Variants in DPPA3 observed in about 807,000 individuals in gnomAD.
DPPA3 encodes developmental pluripotency-associated protein 3.
Under a neutral mutation model 15.6 loss-of-function variants are expected in DPPA3, and 9 were observed. The ratio of observed to expected loss-of-function variants is 0.58; its 90% CI spans 0.35 to 1.01. The LOEUF is 1.01. Among genes scored for constraint, DPPA3 ranks in the 50% least tolerant of loss-of-function variants. DPPA3 has a pLI of 0.02. For missense variants in DPPA3, 148 were observed against 194.6 expected (o/e 0.76, Z 1.42); for synonymous variants, 61 against 70.9 (o/e 0.86, Z 0.70).
rs145257462 is a variant in DPPA3, at chr12:7,714,776, G to A, written c.83-407G>A. Among the ~76,000 whole-genome samples the A allele has an allele frequency of 1.7e-3, 253 of 151,888 alleles. 2 individuals are homozygous for A. Among genetic ancestry groups the A allele is most frequent in the African/African-American group, 5.8e-3 (241 of 41,410 alleles). ...CCCCCAGACTAGAGTGCAGTGGCGCGATCTCGGCTCACTGCAAGCTCCACC... is the reference window on the plus strand; with the variant it reads ...CCCCCAGACTAGAGTGCAGTGGCGCAATCTCGGCTCACTGCAAGCTCCACC... On this transcript the variant is annotated intron_variant, in intron 1 of 3. Transcript: ENST00000345088.
At chr12:7,716,921 C>T (rs769692281) in intron 3 of DPPA3, 46 bp from the exon 4 acceptor site, 3 of 1,500,674 alleles carry the variant, frequency 2.0e-6, no homozygotes, top group African/African-American at 2.8e-5. Flanking sequence ...TTACATTTCT[C>T]TGGGGTACAA....
chr12:7,712,359 AAAC>A (rs1864354739), intron 1 of DPPA3, among the ~76,000 whole-genome samples: 1 of 150,966 alleles, frequency 6.6e-6, no homozygotes, highest in African/African-American at 2.5e-5. Context: ...GAGACCAAAT[AAAC>A]AAAAGATAGG....
At chr12:7,716,411 ATATTCTT>A (rs1458939792) in intron 3 of DPPA3, among the ~76,000 whole-genome samples, 172 bp downstream of exon 3, 3 of 152,074 alleles carry the variant, frequency 2.0e-5, no homozygotes, top group African/African-American at 2.4e-5. Flanking sequence ...TTTTAAAAAT[ATATTCTT>A]TATTCTTTAT....
chr12:7,711,777 A>G (rs1047395120), intron 1 of DPPA3, 125 bp downstream of exon 1: 1 of 812,298 alleles, frequency 1.2e-6, no homozygotes, highest in South Asian at 2.1e-5. Flanking sequence ...TTGCAAGAGG[A>G]ATGTATTTAG....
intron 1 of DPPA3, among the ~76,000 whole-genome samples, chr12:7,714,044 C>T (rs962686106): frequency 2.0e-5 from 3 of 149,764 alleles, no homozygotes; most frequent in South Asian, 4.3e-4. Context: ...CTGGCTAACA[C>T]GGTGAAACCC....
Position 7,716,181 on chromosome 12 carries a change from A to ATCT in DPPA3, c.328-16_328-15insCTT, listed in dbSNP as rs1555102143. The ATCT allele has an allele frequency of 3.2e-6, 5 of 1,577,546 alleles. No individual in the cohort carries two copies. The highest frequency in any genetic ancestry group is 4.3e-6 in the Non-Finnish European group (5 of 1,152,746). ...TTTCTTGATAGTTTTCAATAAACAT[A>ATCT]TTTTTTTCCCATGAAGCATGAAAGA... On this transcript the variant is annotated splice_polypyrimidine_tract_variant and intron_variant, in intron 2 of 3. Coordinates refer to ENST00000345088, the MANE Select transcript of DPPA3 (RefSeq NM_199286.4).
chr12:7,716,863 C>T (rs1490607058), intron 3 of DPPA3, 104 bp from the exon 4 acceptor site: 3 of 1,075,322 alleles, frequency 2.8e-6, no homozygotes, highest in East Asian at 2.4e-5. Flanking sequence ...GTGTGTGTTC[C>T]CTGTTCCAAC....
intron 1 of DPPA3, among the ~76,000 whole-genome samples, chr12:7,711,965 G>C (rs566709056): frequency 6.7e-4 from 99 of 148,588 alleles, no homozygotes; most frequent in Non-Finnish European, 1.2e-3. Context: ...GCCCAGGCTG[G>C]AGTGCAGTGG....
chr12:7,715,246 G>C lies in DPPA3; in HGVS notation c.146G>C (p.Ser49Thr), dbSNP rs777692242. The part of the protein sequence containing the change: ...KNLSNLTINA[S>T]SESVSPLSEA... ...CTTAGTAACTTGACTATCAACGCTA[G>C]TAGCGAATCTGTTTCCCCTCTATCG... Residue 49 changes from serine to threonine, a missense_variant, in exon 2 of 4, where the codon AGT becomes ACT. Coordinates refer to ENST00000345088, the MANE Select transcript of DPPA3 (RefSeq NM_199286.4). The C allele has an allele frequency of 6.2e-7, 1 of 1,613,732 alleles. No individual in the cohort carries two copies. The highest frequency in any genetic ancestry group is 8.5e-7 in the Non-Finnish European group (1 of 1,179,862).
intron 1 of DPPA3, 91 bp from the exon 2 acceptor site, chr12:7,715,092 G>A: frequency 6.4e-7 from 1 of 1,569,732 alleles, no homozygotes; most frequent in Non-Finnish European, 8.7e-7. Flanking sequence ...TTCCCACACA[G>A]CGCCCTGTTC....
chr12:7,716,734 T>C (rs1237461101), intron 3 of DPPA3, among the ~76,000 whole-genome samples: 2 of 152,214 alleles, frequency 1.3e-5, no homozygotes, highest in Non-Finnish European at 1.5e-5. Flanking sequence ...GAATGTTTTA[T>C]TGACAGTCTG....
chr12:7,715,607 C>G (rs1237065629), intron 2 of DPPA3, among the ~76,000 whole-genome samples, 180 bp downstream of exon 2: 3 of 151,820 alleles, frequency 2.0e-5, no homozygotes, highest in African/African-American at 7.3e-5. Context: ...ACCAGCCTGG[C>G]CAACATGGTG....
Position 7,717,330 on chromosome 12 carries a change from T to C in DPPA3, c.*253T>C, listed in dbSNP as rs1864412354. ...AGCCAAGATGATATAAGTATTCCCATGTGTCTTAGAAGCCCAAAGTCAGTG... is the reference window on the plus strand; with the variant it reads ...AGCCAAGATGATATAAGTATTCCCACGTGTCTTAGAAGCCCAAAGTCAGTG... On this transcript the variant is annotated 3_prime_UTR_variant, in exon 4 of 4. Transcript: ENST00000345088. The C allele has an allele frequency of 4.2e-5, 14 of 337,232 alleles. No individual in the cohort carries two copies. The East Asian group carries it at 6.5e-4, about 16-fold the overall frequency. The allele number at this position is 337,232 out of a possible 1,614,324, so 20.9% of individuals were successfully genotyped here.
chr12:7,715,105 C>G, intron 1 of DPPA3, 78 bp from the exon 2 acceptor site: 1 of 1,598,516 alleles, frequency 6.3e-7, no homozygotes, highest in Non-Finnish European at 8.6e-7. Context: ...CCCTGTTCCC[C>G]TGCTTAAGGG....
rs1864397879 is a variant in DPPA3 at position 7,716,254 on chromosome 12, T to C, written c.369+15T>C. 6.5e-7 allele frequency: 1 copy of C among 1,542,784 alleles called. No individual in the cohort carries two copies. Among genetic ancestry groups the C allele is most frequent in the Non-Finnish European group, 8.7e-7 (1 of 1,150,598 alleles). On this transcript the variant is annotated intron_variant, in intron 3 of 3. Coordinates refer to ENST00000345088, the MANE Select transcript of DPPA3 (RefSeq NM_199286.4). ...AGGGAGTTAAGGTAAGTATAATTTT[T>C]TTCTTTTTATTTTCCTTTTTTTTTT...
At chr12:7,716,605 TTTCAC>T (rs1864403055) in intron 3 of DPPA3, among the ~76,000 whole-genome samples, 1 of 73,412 alleles carries the variant, frequency 1.4e-5, no homozygotes, top group Non-Finnish European at 3.8e-5. Flanking sequence ...AGGTTGATAC[TTTCAC>T]GTGCTGTCAC....
chr12:7,713,394 C>T (rs1204875386), intron 1 of DPPA3, among the ~76,000 whole-genome samples: 1 of 152,230 alleles, frequency 6.6e-6, no homozygotes, highest in Non-Finnish European at 1.5e-5. Context: ...TAGTACCTCA[C>T]AGTTCCACAA....
At chr12:7,716,106 A>G in intron 2 of DPPA3, 92 bp from the exon 3 acceptor site, 1 of 1,176,850 alleles carries the variant, frequency 8.5e-7, no homozygotes, top group Non-Finnish European at 1.2e-6. Flanking sequence ...CTGTCTCAAC[A>G]AATTCCCTAG....
chr12:7,711,763 G>A (rs1345656317), intron 1 of DPPA3, 111 bp downstream of exon 1: 4 of 849,922 alleles, frequency 4.7e-6, no homozygotes, highest in African/African-American at 2.2e-5. Context: ...GTTGACTTCA[G>A]TCTTTGCAAG....
Sources: allele counts gnomAD v4.1 joint callset (sites outside exome capture counted in the v4.1 genomes callset), GRCh38; gene constraint gnomAD v4.1.1; transcripts MANE v1.5; gene names NCBI Gene and HGNC (gene_info 2026-07-23, HGNC 2026-07-21).